BCAR3: variants seen among roughly 807,000 people sequenced by gnomAD.
BCAR3 encodes BCAR3 adaptor protein, NSP family member.
BCAR3 carries 37 observed loss-of-function variants against 80.1 expected under a neutral mutation model. The observed-to-expected ratio is 0.46, with a 90% CI of 0.36 to 0.61. The LOEUF (loss-of-function observed/expected upper bound fraction) is 0.61. Ranked by LOEUF, BCAR3 falls within the 20% of genes least tolerant of loss-of-function variation. BCAR3 has a pLI of 0.00. For synonymous variants in BCAR3, 389 were observed against 418.9 expected (o/e 0.93, Z 0.87); for missense variants, 978 against 1,068.2 (o/e 0.92, Z 1.18).
intron 2 of BCAR3, among the ~76,000 whole-genome samples, chr1:93,779,486 T>C (rs1176172207): frequency 2.0e-5 from 3 of 152,050 alleles, no homozygotes; most frequent in Admixed American, 6.5e-5. Context: ...AAATAAAGCA[T>C]GGCAAGAGGA....
chr1:93,589,052 A>C lies in BCAR3; in HGVS notation c.854T>G (p.Val285Gly). The change falls in exon 5 of 12, where the codon GTG becomes GGG. Residue 285 changes from valine to glycine, a missense_variant. Transcript: ENST00000260502. Reference protein sequence around the residue: ...EGSLTKGRPDVAKRLSLTMGG... With the variant: ...EGSLTKGRPDGAKRLSLTMGG... The stretch of plus-strand genomic sequence containing the variant: ...CATGGTGAGGCTCAGCCTCTTGGCC[A>C]CATCCGGCCTTCCCTTGGTGAGGCT... The C allele has an allele frequency of 6.2e-7, 1 of 1,611,062 alleles. No individual in the cohort carries two copies. The highest frequency in any genetic ancestry group is 8.5e-7 in the Non-Finnish European group (1 of 1,178,102).
chr1:93,808,869 G>C (rs1032373486), intron 2 of BCAR3, among the ~76,000 whole-genome samples: 2 of 152,170 alleles, frequency 1.3e-5, no homozygotes, highest in South Asian at 2.1e-4. Context: ...TGTAATCCTA[G>C]TTCACTACTT....
At chr1:93,721,716 A>G (rs1421094115) in intron 2 of BCAR3, among the ~76,000 whole-genome samples, 2 of 152,164 alleles carry the variant, frequency 1.3e-5, no homozygotes, top group African/African-American at 4.8e-5. Context: ...ACCGATTCCA[A>G]TGGGAGCTGT....
intron 2 of BCAR3, among the ~76,000 whole-genome samples, chr1:93,668,644 C>T (rs1459707297): frequency 6.6e-6 from 1 of 152,066 alleles, no homozygotes; most frequent in Non-Finnish European, 1.5e-5. Flanking sequence ...GCTGTTAAGC[C>T]ATTGTCACTA....
At chr1:93,576,727 T>G (rs1673475169) in intron 7 of BCAR3, among the ~76,000 whole-genome samples, 1 of 152,256 alleles carries the variant, frequency 6.6e-6, no homozygotes, top group Admixed American at 6.5e-5. Context: ...CTGAGAGGCT[T>G]TTCTTAAAAT....
chr1:93,697,453 G>A (rs1394486029), intron 3 of BCAR3, among the ~76,000 whole-genome samples: 2 of 152,164 alleles, frequency 1.3e-5, no homozygotes, highest in Non-Finnish European at 2.9e-5. Context: ...TGAAGAGGCC[G>A]AGATTGATGC....
chr1:93,590,108 G>A (rs1021279506), intron 4 of BCAR3: 1 of 152,236 alleles, frequency 6.6e-6, no homozygotes, highest in Non-Finnish European at 1.5e-5. Flanking sequence ...TTACTGGCTA[G>A]AAGGCCTAGA....
At chr1:93,573,527 C>T (rs1375948149) in intron 8 of BCAR3, among the ~76,000 whole-genome samples, 1 of 151,672 alleles carries the variant, frequency 6.6e-6, no homozygotes. Context: ...GTCTCCATCT[C>T]TTTCCTCTTT....
chr1:93,653,148 A>T (rs189999093), intron 2 of BCAR3, among the ~76,000 whole-genome samples: 65 of 152,338 alleles, frequency 4.3e-4, no homozygotes, highest in African/African-American at 1.5e-3. Flanking sequence ...GTCAGTCTTA[A>T]GTTATAGAAT....
intron 2 of BCAR3, among the ~76,000 whole-genome samples, chr1:93,818,001 T>C (rs1654079711): frequency 6.6e-6 from 1 of 152,234 alleles, no homozygotes; most frequent in South Asian, 2.1e-4. Flanking sequence ...CTTTAGTGAC[T>C]GCTCCCTCCT....
chr1:93,724,775 C>T (rs972154668), intron 2 of BCAR3, among the ~76,000 whole-genome samples: 1 of 152,202 alleles, frequency 6.6e-6, no homozygotes, highest in African/African-American at 2.4e-5. Flanking sequence ...GTCCTTACTA[C>T]CCCTGACCTG....
At chr1:93,652,149 G>A (rs1202282849) in intron 2 of BCAR3, among the ~76,000 whole-genome samples, 2 of 152,214 alleles carry the variant, frequency 1.3e-5, no homozygotes, top group South Asian at 2.1e-4. Context: ...AGCAAGGCCT[G>A]CTACGGGAGC....
At chr1:93,696,261 G>T (rs1385349443) in intron 3 of BCAR3, among the ~76,000 whole-genome samples, 5 of 152,088 alleles carry the variant, frequency 3.3e-5, no homozygotes, top group Admixed American at 3.3e-4. Flanking sequence ...GGGACAGACG[G>T]TTTAAAATTT....
At chr1:93,842,846 A>G (rs1655007032) in intron 2 of BCAR3, among the ~76,000 whole-genome samples, 1 of 152,076 alleles carries the variant, frequency 6.6e-6, no homozygotes, top group South Asian at 2.1e-4. Flanking sequence ...TCTTGACGTT[A>G]TGTTTTTCTT....
intron 3 of BCAR3, chr1:93,614,233 C>G (rs538075367): frequency 4.9e-6 from 5 of 1,030,718 alleles, no homozygotes; most frequent in Non-Finnish European, 4.9e-6. Flanking sequence ...TCTAACCCCT[C>G]TTAGAAGAGG....
intron 1 of BCAR3, among the ~76,000 whole-genome samples, chr1:93,679,466 C>CA (rs1648650159): frequency 6.6e-6 from 1 of 152,166 alleles, no homozygotes; most frequent in South Asian, 2.1e-4. Flanking sequence ...CACGTACAGG[C>CA]AAACCAAGTG....
intron 2 of BCAR3, among the ~76,000 whole-genome samples, chr1:93,821,463 C>A (rs556849886): frequency 6.2e-4 from 95 of 152,310 alleles, no homozygotes; most frequent in African/African-American, 2.2e-3. Flanking sequence ...AAAATGTCCA[C>A]GGTACACATC....
chr1:93,670,681 T>A (rs758190674), intron 2 of BCAR3, among the ~76,000 whole-genome samples: 6 of 152,182 alleles, frequency 3.9e-5, no homozygotes, highest in Admixed American at 3.9e-4. Flanking sequence ...GTGATAACAA[T>A]GTTCATAATG....
intron 2 of BCAR3, among the ~76,000 whole-genome samples, chr1:93,778,808 C>G (rs1557685668): frequency 6.6e-6 from 1 of 152,180 alleles, no homozygotes; most frequent in Non-Finnish European, 1.5e-5. Context: ...TCGAGGGAAG[C>G]CTTTCTGAAG....
Sources: gnomAD v4.1 joint callset for allele counts (sites outside exome capture counted in the v4.1 genomes callset) on GRCh38, gnomAD v4.1.1 for gene constraint, MANE v1.5 for transcripts, NCBI Gene and HGNC (gene_info 2026-07-23, HGNC 2026-07-21) for gene names.